TTF1: variants seen among roughly 807,000 people sequenced by gnomAD.
TTF1 encodes the protein transcription termination factor 1, also known as transcription termination factor, RNA polymerase I.
Under a neutral mutation model 80.2 loss-of-function variants are expected in TTF1, and 64 were observed. The observed-to-expected ratio is 0.80, with a 90% confidence interval of 0.65 to 0.98. The LOEUF is 0.98. Ranked by LOEUF, TTF1 falls within the 50% of genes least tolerant of loss-of-function variation. TTF1 has a pLI of 0.00. For missense variants in TTF1, 1,023 were observed against 1,086.2 expected, an observed-to-expected ratio of 0.94 and a Z score of 0.82; for synonymous variants, 372 against 382.7, an observed-to-expected ratio of 0.97 and a Z score of 0.33.
chr9:132,398,240 T>C lies in TTF1; in HGVS notation c.1678A>G (p.Ile560Val), dbSNP rs368358602. The C allele has an allele frequency of 3.7e-6, 6 of 1,608,718 alleles. No individual in the cohort carries two copies. The African/African-American group carries it at 8.0e-5, about 22-fold the overall frequency. ...NVEDFLALTGIESADKLLYTD... is the reference protein window; with the variant it reads ...NVEDFLALTGVESADKLLYTD... ...TACAGCAGCTTGTCTGCACTCTCAA[T>C]GCCTGTCAGGGCTAGAAAGTCTTCC... is the stretch of plus-strand genomic sequence containing the variant. The change falls in exon 4 of 11, where the codon ATT becomes GTT. Residue 560 changes from isoleucine (I) to valine (V), a missense_variant. By Grantham distance (29) the Ile-to-Val change is conservative (BLOSUM62 3). Transcript: ENST00000334270.
chr9:132,396,373 T>A lies in TTF1; in HGVS notation c.1856+60A>T, dbSNP rs180859132. 4.0e-5 allele frequency: 60 copies of A among 1,507,416 alleles called. 1 individual carries two copies. In the African/African-American group the frequency reaches 7.1e-4, roughly 18 times the overall value. The allele number at this position is 1,507,416 out of a possible 1,614,324, so 93.4% of individuals were successfully genotyped here. A position where few individuals can be genotyped will look rare whatever the true frequency, so the allele number is the denominator to read the frequency against. The stretch of plus-strand genomic sequence containing the variant: ...AATCCACTGCTGTGAATATTTTGAT[T>A]TATGGTATCAGCAAAGACTAGAGAA... On this transcript the variant is annotated intron_variant, in intron 5 of 10. Coordinates refer to ENST00000334270, the MANE Select transcript of TTF1 (RefSeq NM_007344.4).
chr9:132,389,054 T>C (rs1344558679), intron 7 of TTF1, among the ~76,000 whole-genome samples: 1 of 152,194 alleles, frequency 6.6e-6, no homozygotes, highest in African/African-American at 2.4e-5. Flanking sequence ...TATCTCAAAT[T>C]AATAGCTAAA....
At chr9:132,378,795 T>TGA (rs1849314419) in intron 10 of TTF1, among the ~76,000 whole-genome samples, 1 of 151,984 alleles carries the variant, frequency 6.6e-6, no homozygotes, top group Non-Finnish European at 1.5e-5. Flanking sequence ...TGTGTGTGTG[T>TGA]GATGGCAACA....
In TTF1 at chr9:132,392,348, C is replaced by A. The variant is rs79635230; in HGVS notation, c.1857-142G>T. On this transcript the variant is annotated intron_variant, in intron 5 of 10. Coordinates refer to ENST00000334270, the MANE Select transcript of TTF1 (RefSeq NM_007344.4). ...ACCCGGTCACAGCCCTCTTCACTTCCTGTTGGCGTCTCACTGGTGGTCATC... is the reference window on the plus strand; with the variant it reads ...ACCCGGTCACAGCCCTCTTCACTTCATGTTGGCGTCTCACTGGTGGTCATC... The A allele has an allele frequency of 4.6e-3, 4,353 of 949,516 alleles. 126 individuals carry two copies. In the African/African-American group the frequency reaches 0.064, roughly 14 times the overall value. The allele number at this position is 949,516 out of a possible 1,614,324, so 58.8% of individuals were successfully genotyped here.
chr9:132,399,207 A>G (rs1849713982), intron 3 of TTF1, among the ~76,000 whole-genome samples: 1 of 60,548 alleles, frequency 1.7e-5, no homozygotes. Context: ...TCAAAAAAAA[A>G]AAAAAAAGAA....
chr9:132,402,891 T>G, intron 1 of TTF1, 63 bp from the exon 2 acceptor site: 1 of 1,461,934 alleles, frequency 6.8e-7, no homozygotes, highest in African/African-American at 1.4e-5. Flanking sequence ...AGTCTCACTC[T>G]GTCGCCCAGG....
At chr9:132,385,605 C>G (rs1394966672) in intron 9 of TTF1, among the ~76,000 whole-genome samples, 1 of 152,328 alleles carries the variant, frequency 6.6e-6, no homozygotes, top group East Asian at 1.9e-4. Flanking sequence ...TCAGTCTCAT[C>G]CCCGCATGGC....
intron 8 of TTF1, among the ~76,000 whole-genome samples, chr9:132,387,226 G>T (rs905033220): frequency 6.6e-6 from 1 of 152,134 alleles, no homozygotes; most frequent in Admixed American, 6.5e-5. Flanking sequence ...TGGGATTATG[G>T]GCGTCAGGCA....
chr9:132,390,819 C>T lies in TTF1; in HGVS notation c.2000G>A (p.Gly667Asp). Residue 667 changes from glycine to aspartate, a missense_variant, in exon 7 of 11, where the codon GGT becomes GAT. Transcript: ENST00000334270. ...CCGGGTTTCAGACTTACTCCAAGCA[C>T]CACGATTTCTTTCTGTAGATATAAA... is the stretch of plus-strand genomic sequence containing the variant. ...FSQISSQRNR[G>D]AWSKSETRKL... The T allele has an allele frequency of 6.2e-7, 1 of 1,613,820 alleles. No homozygotes were observed. The highest frequency in any genetic ancestry group is 8.5e-7 in the Non-Finnish European group (1 of 1,179,936).
At chr9:132,377,242 ATGTGGTGTGTGTGAG>A in intron 10 of TTF1, among the ~76,000 whole-genome samples, 1 of 114,286 alleles carries the variant, frequency 8.7e-6, no homozygotes, top group South Asian at 2.9e-4. Context: ...GTGTGAGTGC[ATGTGGTGTGTGTGAG>A]TGCATGCGTG....
Position 132,402,628 on chromosome 9 carries a change from GA to G in TTF1, c.193del (p.Ser65LeufsTer3). 6 of 1,613,232 alleles carry G rather than the reference GA, an allele frequency of 3.7e-6. No homozygotes were observed. Among genetic ancestry groups the G allele is most frequent in the Non-Finnish European group, 5.1e-6 (6 of 1,179,796 alleles). On this transcript the variant is annotated frameshift_variant, in exon 2 of 11. Transcript: ENST00000334270. LOFTEE classifies it high-confidence loss of function. ...ACAGATTCTGGATTTTTTCAAAGGA[GA>G]AGAAATGAGATGCTGGAAATCTTTT... ...RKKDFQHLIS[S>X]PLKKSRICDE...
At chr9:132,385,293 T>G (rs1051704763) in intron 9 of TTF1, among the ~76,000 whole-genome samples, 6 of 152,176 alleles carry the variant, frequency 3.9e-5, no homozygotes, top group African/African-American at 1.2e-4. Context: ...TTTTTAAAAG[T>G]TCCCCAGATG....
At chr9:132,387,135 T>C (rs1204551437) in intron 8 of TTF1, among the ~76,000 whole-genome samples, 1 of 152,128 alleles carries the variant, frequency 6.6e-6, no homozygotes, top group Non-Finnish European at 1.5e-5. Context: ...TTTTTTAGAT[T>C]TTTTGTAGGG....
intron 2 of TTF1, among the ~76,000 whole-genome samples, chr9:132,401,240 C>T (rs904476067): frequency 3.9e-5 from 6 of 151,986 alleles, no homozygotes; most frequent in African/African-American, 9.7e-5. Context: ...GCTGGGGAAT[C>T]GCTTGAACCC....
At position 132,397,092 on chromosome 9, in the gene TTF1, C is replaced by T. The variant is rs12000606; in HGVS notation, c.1778-581G>A. Among the ~76,000 whole-genome samples, 1,438 of 152,144 alleles carry T rather than the reference C, an allele frequency of 9.5e-3. 28 individuals are homozygous for T. The highest frequency in any genetic ancestry group is 0.033 in the African/African-American group (1,375 of 41,510). On this transcript the variant is annotated intron_variant, in intron 4 of 10. Coordinates refer to ENST00000334270, the MANE Select transcript of TTF1 (RefSeq NM_007344.4). ...AATCACCAGTTTCCTTGGAGATCTC[C>T]GAAAACTAAATGCTTAGTACCCTGA... is the stretch of plus-strand genomic sequence containing the variant.
chr9:132,377,692 TGA>T (rs1389307662), intron 10 of TTF1, among the ~76,000 whole-genome samples: 103 of 125,074 alleles, frequency 8.2e-4, no homozygotes, highest in East Asian at 1.8e-3. Context: ...GCATGTGGTG[TGA>T]GTGCATGTGG....
In TTF1 at chr9:132,402,072, C is replaced by T; in HGVS notation, c.750G>A (p.Met250Ile). The T allele has an allele frequency of 6.2e-7, 1 of 1,614,168 alleles. No individual in the cohort carries two copies. The change falls in exon 2 of 11, where the codon ATG becomes ATA. Residue 250 changes from methionine (M) to isoleucine (I), a missense_variant. Coordinates refer to ENST00000334270, the MANE Select transcript of TTF1 (RefSeq NM_007344.4). ...SQAGREAGTD[M>I]QESQPTVGLD... ...AGCCCACAGTAGGCTGGGATTCCTG[C>T]ATATCAGTCCCGGCCTCTCTGCCTG... is the stretch of plus-strand genomic sequence containing the variant.
chr9:132,378,241 G>A (rs1340005482), intron 10 of TTF1, among the ~76,000 whole-genome samples: 1 of 139,048 alleles, frequency 7.2e-6, no homozygotes. Context: ...TGCATGTGGT[G>A]TGAGTGCATG....
chr9:132,377,114 G>C (rs1360497009), intron 10 of TTF1, among the ~76,000 whole-genome samples: 1 of 152,194 alleles, frequency 6.6e-6, no homozygotes, highest in Non-Finnish European at 1.5e-5. Context: ...GTATGCTTCT[G>C]TGTATGTGTG....
Sources: allele counts gnomAD v4.1 joint callset (sites outside exome capture counted in the v4.1 genomes callset), GRCh38; gene constraint gnomAD v4.1.1; transcripts MANE v1.5; gene names NCBI Gene and HGNC (gene_info 2026-07-23, HGNC 2026-07-21).